The following ST7 variants were observed in gnomAD, a reference collection of about 807,000 sequenced individuals.
ST7 encodes the protein suppressor of tumorigenicity 7 protein.
ST7 carries 28 observed loss-of-function variants against 78.7 expected under a neutral mutation model. The observed-to-expected ratio is 0.36, with a 90% CI of 0.26 to 0.49. The LOEUF (loss-of-function observed/expected upper bound fraction) is 0.49. Among genes scored for constraint, ST7 ranks in the 20% least tolerant of loss-of-function variants. The probability of loss-of-function intolerance (pLI) is 0.99; values close to 1 mark genes in which losing one functional copy is unlikely to be tolerated. For synonymous variants in ST7, 247 were observed against 249.6 expected (o/e 0.99, Z 0.10); for missense variants, 418 against 696.0 (o/e 0.60, Z 4.49).
intron 1 of ST7, among the ~76,000 whole-genome samples, chr7:116,994,134 CGTT>C (rs1562999065): frequency 6.6e-6 from 1 of 152,146 alleles, no homozygotes; most frequent in Admixed American, 6.5e-5. Context: ...CCAACTGAAA[CGTT>C]GTACCCATTC....
chr7:117,116,164 CA>C (rs1161271307), intron 2 of ST7, among the ~76,000 whole-genome samples: 1 of 152,152 alleles, frequency 6.6e-6, no homozygotes, highest in Non-Finnish European at 1.5e-5. Context: ...TTGACCCTCT[CA>C]GGGGCAGAGC....
At chr7:117,130,929 C>G (rs1250858391) in intron 5 of ST7, among the ~76,000 whole-genome samples, 4 of 151,842 alleles carry the variant, frequency 2.6e-5, no homozygotes, top group Non-Finnish European at 3.0e-5. Flanking sequence ...GCCTTATCTC[C>G]TTTATGATAT....
intron 2 of ST7, among the ~76,000 whole-genome samples, chr7:117,109,309 A>C (rs1281508815): frequency 6.6e-5 from 10 of 150,604 alleles, no homozygotes; most frequent in Non-Finnish European, 1.2e-4. Flanking sequence ...AAATTGATAG[A>C]CCATTGGTGA....
intron 1 of ST7, chr7:117,090,901 C>T (rs899623718): frequency 1.8e-5 from 3 of 166,936 alleles, no homozygotes; most frequent in Non-Finnish European, 2.9e-5. Context: ...CAGATGGCCT[C>T]CCTCCAGCAA....
At chr7:117,102,095 A>G (rs567671511) in intron 2 of ST7, among the ~76,000 whole-genome samples, 6 of 152,326 alleles carry the variant, frequency 3.9e-5, no homozygotes, top group Non-Finnish European at 8.8e-5. Flanking sequence ...TCACTAATTT[A>G]TTCCATGTAA....
Position 117,190,985 on chromosome 7 carries a change from C to G in ST7, c.1254+49C>G, listed in dbSNP as rs1349691616. On this transcript the variant is annotated intron_variant, in intron 12 of 15. Transcript: ENST00000323984. This position sits in a 1 kb window ranked among gnomAD's most constrained non-coding sequence, Gnocchi z 5.2. ...GAACTCGTTATGATAGCAGAGAAAG[C>G]ATTCATTGACCACAGTGTTGTATCT... 1 of 1,420,540 alleles carries G rather than the reference C, an allele frequency of 7.0e-7. No individual in the cohort carries two copies. The highest frequency in any genetic ancestry group is 2.3e-5 in the East Asian group (1 of 43,930). The allele number at this position is 1,420,540 out of a possible 1,614,324, so 88.0% of individuals were successfully genotyped here. A position where few individuals can be genotyped will look rare whatever the true frequency, so the allele number is the denominator to read the frequency against.
At chr7:117,107,944 C>T (rs11764503) in intron 2 of ST7, among the ~76,000 whole-genome samples, 56,959 of 151,068 alleles carry the variant, frequency 0.38, 10,854 homozygotes, top group East Asian at 0.48. Flanking sequence ...GGATTTTTTT[C>T]TTTCTTGCTG....
At chr7:117,215,320 C>T (rs1008843219) in intron 13 of ST7, among the ~76,000 whole-genome samples, 5 of 151,994 alleles carry the variant, frequency 3.3e-5, no homozygotes, top group African/African-American at 9.7e-5. Context: ...ATGAAATTTG[C>T]GATTTGGTGA....
At chr7:117,089,593 A>T (rs1214044112) in intron 1 of ST7, among the ~76,000 whole-genome samples, 1 of 146,340 alleles carries the variant, frequency 6.8e-6, no homozygotes, top group African/African-American at 2.5e-5. Flanking sequence ...TTTTTTTGAG[A>T]TGGAATCTCG....
chr7:117,089,574 GT>G (rs1363196802), intron 1 of ST7, among the ~76,000 whole-genome samples: 58 of 136,702 alleles, frequency 4.2e-4, no homozygotes, highest in Non-Finnish European at 5.1e-4. Context: ...TTGTTTTTTT[GT>G]TTTTTTTTTT....
At chr7:117,126,960 T>C (rs933489833) in intron 3 of ST7, among the ~76,000 whole-genome samples, 1 of 151,948 alleles carries the variant, frequency 6.6e-6, no homozygotes, top group African/African-American at 2.4e-5. Flanking sequence ...GGAACATTTC[T>C]GTCAGCACTT....
At chr7:117,218,223 A>G (rs1792836748) in intron 13 of ST7, among the ~76,000 whole-genome samples, 1 of 152,194 alleles carries the variant, frequency 6.6e-6, no homozygotes, top group Non-Finnish European at 1.5e-5. Flanking sequence ...TTCCCAGAGT[A>G]GGGTAGAGCT....
intron 1 of ST7, among the ~76,000 whole-genome samples, chr7:117,052,498 T>A (rs749293337): frequency 6.6e-6 from 1 of 152,232 alleles, no homozygotes; most frequent in Non-Finnish European, 1.5e-5. Context: ...ACTTTTTTTG[T>A]TATGAATAAA....
rs529369062 is a variant in ST7, at chr7:116,984,422, T to C, written c.151+30731T>C. ...CTAAAGTCTGTGGGATTATCTGTTA[T>C]ACAATAGCGCATCTCTCTTTTCCAT... is the stretch of plus-strand genomic sequence containing the variant. On this transcript the variant is annotated intron_variant, in intron 1 of 15. Transcript: ENST00000323984. 5.9e-5 allele frequency among the ~76,000 whole-genome samples: 9 copies of C among 152,362 alleles called. No homozygotes were observed. In the South Asian group the frequency reaches 1.2e-3, roughly 21 times the overall value.
chr7:117,061,484 A>T (rs1040497641), intron 1 of ST7, among the ~76,000 whole-genome samples: 2 of 152,232 alleles, frequency 1.3e-5, no homozygotes, highest in African/African-American at 4.8e-5. Context: ...GATGCAAATT[A>T]TTTATTATGT....
intron 8 of ST7, 103 bp downstream of exon 8, chr7:117,136,338 G>A: frequency 7.2e-7 from 1 of 1,397,414 alleles, no homozygotes; most frequent in Non-Finnish European, 1.0e-6. Flanking sequence ...TCCTAGACAA[G>A]AGAAAATATT....
At chr7:117,158,427 G>C (rs1418751064) in intron 9 of ST7, among the ~76,000 whole-genome samples, 1 of 152,164 alleles carries the variant, frequency 6.6e-6, no homozygotes, top group Non-Finnish European at 1.5e-5. Context: ...CCAGCCCTTT[G>C]AGTCTTTGGG....
At chr7:117,117,042 A>T (rs558236756) in intron 2 of ST7, among the ~76,000 whole-genome samples, 1 of 152,324 alleles carries the variant, frequency 6.6e-6, no homozygotes, top group Admixed American at 6.5e-5. Flanking sequence ...GGGAGCTATA[A>T]AGTCTTGATA....
chr7:117,006,742 C>T (rs888644306), intron 1 of ST7, among the ~76,000 whole-genome samples: 1 of 152,184 alleles, frequency 6.6e-6, no homozygotes, highest in African/African-American at 2.4e-5. Context: ...GAGCATCTGT[C>T]GTGCCATTTT....
Sources: gnomAD v4.1 joint callset for allele counts (sites outside exome capture counted in the v4.1 genomes callset) on GRCh38, gnomAD v4.1.1 for gene constraint, Gnocchi (gnomAD v3.1) non-coding constraint, MANE v1.5 for transcripts, NCBI Gene and HGNC (gene_info 2026-07-23, HGNC 2026-07-21) for gene names.